The following TAB2 variants were observed in gnomAD, a reference collection of about 807,000 sequenced individuals.
TAB2 encodes TGF-beta-activated kinase 1 and MAP3K7-binding protein 2.
TAB2 carries 3 observed loss-of-function variants against 65.0 expected under a neutral mutation model. That is an observed-to-expected ratio of 0.05 (90% CI 0.02 to 0.12). The LOEUF is 0.12. Ranked by LOEUF, TAB2 falls within the 10% of genes least tolerant of loss-of-function variation. The pLI is 1.00. For missense variants in TAB2, 623 were observed against 840.3 expected, an observed-to-expected ratio of 0.74 and a Z score of 3.20; for synonymous variants, 298 against 285.1, an observed-to-expected ratio of 1.05 and a Z score of -0.46.
At chr6:149,285,032 A>T (rs1160679142) in intron 1 of TAB2, among the ~76,000 whole-genome samples, 1 of 152,140 alleles carries the variant, frequency 6.6e-6, no homozygotes, top group East Asian at 1.9e-4. Context: ...GAAATGAAAG[A>T]TGTGCCTGCT....
At chr6:149,301,472 G>A (rs1778971747) in intron 1 of TAB2, among the ~76,000 whole-genome samples, 1 of 152,140 alleles carries the variant, frequency 6.6e-6, no homozygotes, top group Non-Finnish European at 1.5e-5. Flanking sequence ...TTAAAGTGAA[G>A]GCCAGCAGGA....
intron 1 of TAB2, among the ~76,000 whole-genome samples, chr6:149,334,292 G>A (rs951199009): frequency 4.6e-5 from 7 of 151,878 alleles, no homozygotes; most frequent in African/African-American, 2.4e-5. Context: ...TCACTACAGC[G>A]TATCTCTACA....
At chr6:149,254,462 C>T (rs1777963592) in intron 1 of TAB2, among the ~76,000 whole-genome samples, 1 of 152,204 alleles carries the variant, frequency 6.6e-6, no homozygotes, top group Non-Finnish European at 1.5e-5. Context: ...TTTCTGAACT[C>T]ACTTCAGTAC....
chr6:149,397,952 A>G lies in TAB2; in HGVS notation c.1765-17A>G, dbSNP rs1343877048. The G allele has an allele frequency of 3.1e-6, 5 of 1,610,800 alleles. No homozygotes were observed. Among genetic ancestry groups the G allele is most frequent in the Middle Eastern group, 3.7e-4 (2 of 5,430 alleles). On this transcript the variant is annotated splice_polypyrimidine_tract_variant and intron_variant, in intron 4 of 6. Coordinates refer to ENST00000637181, the MANE Select transcript of TAB2 (RefSeq NM_001292034.3). ...AGAATTCAGTGCAAATCTTACTTAC[A>G]TAGAATTATTTTTCAGCTTGAAGAA... is the stretch of plus-strand genomic sequence containing the variant.
intron 1 of TAB2, among the ~76,000 whole-genome samples, chr6:149,308,822 G>A (rs13437621): frequency 0.082 from 12,486 of 152,108 alleles, 570 homozygotes; most frequent in East Asian, 0.14. Flanking sequence ...CACCACGTCC[G>A]GCCGATATTT....
intron 1 of TAB2, among the ~76,000 whole-genome samples, chr6:149,241,954 C>T (rs989161950): frequency 3.9e-5 from 6 of 152,120 alleles, no homozygotes; most frequent in Non-Finnish European, 7.4e-5. Context: ...CCGAGGTCAT[C>T]CTTGGCTACT....
At chr6:149,327,947 T>A (rs1194162935) in intron 1 of TAB2, among the ~76,000 whole-genome samples, 1 of 152,252 alleles carries the variant, frequency 6.6e-6, no homozygotes, top group African/African-American at 2.4e-5. Flanking sequence ...TCATGAGATT[T>A]TTCCCCTCAT....
Position 149,396,392 on chromosome 6 carries a change from C to T in TAB2, c.1604-1212C>T, listed in dbSNP as rs1410311001. Among the ~76,000 whole-genome samples the T allele has an allele frequency of 4.6e-5, 7 of 152,192 alleles. No homozygotes were observed. In the East Asian group the frequency reaches 1.3e-3, roughly 29 times the overall value. On this transcript the variant is annotated intron_variant, in intron 3 of 6. Transcript: ENST00000637181. ...CATTTTTTCTGTCACATTATCTGTG[C>T]ATTCTGGGTAACATTCTTACATCTA... is the stretch of plus-strand genomic sequence containing the variant.
chr6:149,344,515 ATATAT>A (rs1007730212), intron 1 of TAB2, among the ~76,000 whole-genome samples: 2 of 152,198 alleles, frequency 1.3e-5, no homozygotes, highest in African/African-American at 4.8e-5. Flanking sequence ...AAAGTATTTA[ATATAT>A]TATAGAAATT....
intron 1 of TAB2, among the ~76,000 whole-genome samples, chr6:149,265,742 C>T (rs1463060939): frequency 6.6e-6 from 1 of 152,190 alleles, no homozygotes; most frequent in Non-Finnish European, 1.5e-5. Context: ...AAGCCCCACG[C>T]GCGAGCCTGC....
intron 1 of TAB2, among the ~76,000 whole-genome samples, chr6:149,296,391 A>G (rs1778876781): frequency 6.6e-6 from 1 of 152,104 alleles, no homozygotes; most frequent in Non-Finnish European, 1.5e-5. Flanking sequence ...TCTAATATTA[A>G]AGAATTATAA....
chr6:149,358,237 A>G (rs1350228848), intron 1 of TAB2, among the ~76,000 whole-genome samples: 1 of 152,128 alleles, frequency 6.6e-6, no homozygotes, highest in African/African-American at 2.4e-5. Flanking sequence ...TCAGGATGAG[A>G]CCCACATCTA....
chr6:149,316,089 G>A (rs1779244782), upstream of TAB2, among the ~76,000 whole-genome samples: 1 of 152,132 alleles, frequency 6.6e-6, no homozygotes, highest in African/African-American at 2.4e-5. Context: ...ATTGAGTATG[G>A]AAATAATTCC....
At chr6:149,240,247 A>G (rs1456682880) in intron 1 of TAB2, among the ~76,000 whole-genome samples, 1 of 152,160 alleles carries the variant, frequency 6.6e-6, no homozygotes, top group African/African-American at 2.4e-5. Flanking sequence ...TTTGGCAGGC[A>G]TCTTCCTGCT....
At chr6:149,322,379 C>T (rs537273325) in intron 1 of TAB2, among the ~76,000 whole-genome samples, 31 of 152,120 alleles carry the variant, frequency 2.0e-4, no homozygotes, top group Non-Finnish European at 4.1e-4. Flanking sequence ...AAAACCTATC[C>T]CATACATAAA....
intron 1 of TAB2, among the ~76,000 whole-genome samples, chr6:149,274,379 C>T (rs1007011965): frequency 1.3e-5 from 2 of 152,222 alleles, no homozygotes; most frequent in Non-Finnish European, 2.9e-5. Context: ...TTGAAAGCAG[C>T]TTATTACCTT....
chr6:149,324,462 T>G (rs1213114140), intron 1 of TAB2, among the ~76,000 whole-genome samples: 1 of 152,174 alleles, frequency 6.6e-6, no homozygotes, highest in Non-Finnish European at 1.5e-5. Context: ...TAAGGAAAAT[T>G]ATTTTTGACC....
intron 1 of TAB2, among the ~76,000 whole-genome samples, chr6:149,230,946 C>T (rs1562380909): frequency 6.6e-6 from 1 of 152,192 alleles, no homozygotes; most frequent in Non-Finnish European, 1.5e-5. Context: ...CATTCACAGT[C>T]CTGGGTTTTG....
chr6:149,386,506 T>C (rs1781814697), intron 3 of TAB2, among the ~76,000 whole-genome samples: 1 of 152,176 alleles, frequency 6.6e-6, no homozygotes, highest in Non-Finnish European at 1.5e-5. Context: ...TCTTTCTCGA[T>C]AAATTTACAT....
Sources: allele counts gnomAD v4.1 joint callset (sites outside exome capture counted in the v4.1 genomes callset), GRCh38; gene constraint gnomAD v4.1.1; transcripts MANE v1.5; gene names NCBI Gene and HGNC (gene_info 2026-07-23, HGNC 2026-07-21).